Variants in NCOR2 observed in about 807,000 individuals in gnomAD.
NCOR2 encodes nuclear receptor corepressor 2, also known as CTG repeat protein 26.
Under a neutral mutation model 262.9 loss-of-function variants are expected in NCOR2, and 81 were observed. That is an observed-to-expected ratio of 0.31 (90% CI 0.26 to 0.37). The LOEUF is 0.37. Ranked by LOEUF, NCOR2 falls within the 10% of genes least tolerant of loss-of-function variation. The pLI, the probability that NCOR2 is intolerant of heterozygous loss-of-function variation, is 1.00. For synonymous variants in NCOR2, 1,659 were observed against 1,559.3 expected (o/e 1.06, Z -1.51); for missense variants, 3,385 against 3,621.4 (o/e 0.93, Z 1.68).
intron 16 of NCOR2, among the ~76,000 whole-genome samples, chr12:124,390,182 C>G (rs1165668609): frequency 1.3e-5 from 2 of 152,188 alleles, no homozygotes. Context: ...TCTCAGTGCA[C>G]TTTTAAGGAT....
At chr12:124,439,980 C>T (rs1367563259) in intron 7 of NCOR2, among the ~76,000 whole-genome samples, 1 of 151,984 alleles carries the variant, frequency 6.6e-6, no homozygotes, top group East Asian at 1.9e-4. Flanking sequence ...ACTGCTGCAC[C>T]GAGACCCCAG....
exon 47 of NCOR2, chr12:124,325,297 G>A: frequency 1.4e-6 from 1 of 705,858 alleles, no homozygotes; most frequent in Non-Finnish European, 2.0e-6. Context: ...CGGACTCAGG[G>A]GCTCCTTCCT....
intron 37 of NCOR2, among the ~76,000 whole-genome samples, chr12:124,339,466 A>C (rs1456036939): frequency 7.9e-6 from 1 of 126,032 alleles, no homozygotes; most frequent in African/African-American, 3.1e-5. Flanking sequence ...TTACCTACCT[A>C]ACGTGACCAC....
At chr12:124,485,939 C>G (rs1023487582) in intron 2 of NCOR2, among the ~76,000 whole-genome samples, 1 of 151,880 alleles carries the variant, frequency 6.6e-6, no homozygotes, top group Non-Finnish European at 1.5e-5. Flanking sequence ...GCTGTAGTCC[C>G]TCCAGCTCCC....
chr12:124,478,780 AAC>A (rs2047240077), intron 3 of NCOR2, among the ~76,000 whole-genome samples: 1 of 152,148 alleles, frequency 6.6e-6, no homozygotes, highest in Non-Finnish European at 1.5e-5. Context: ...TGAAGACAGA[AAC>A]AGAGACAGAA....
chr12:124,528,319 C>T (rs1482074664), intron 1 of NCOR2, among the ~76,000 whole-genome samples: 2 of 152,172 alleles, frequency 1.3e-5, no homozygotes, highest in East Asian at 1.9e-4. Context: ...TTAGGCACCC[C>T]GCTGACTTCA....
chr12:124,351,551 T>C (rs901160151), intron 27 of NCOR2, among the ~76,000 whole-genome samples: 2 of 152,138 alleles, frequency 1.3e-5, no homozygotes, highest in African/African-American at 4.8e-5. Flanking sequence ...CACTGCCATA[T>C]AGGGAATGAG....
chr12:124,563,823 G>A (rs1009421036), intron 1 of NCOR2, among the ~76,000 whole-genome samples: 2 of 152,242 alleles, frequency 1.3e-5, no homozygotes, highest in African/African-American at 4.8e-5. Context: ...CGTAGGTGCT[G>A]CTCAAAGAAG....
intron 45 of NCOR2, among the ~76,000 whole-genome samples, chr12:124,326,710 G>A (rs1054426617): frequency 3.9e-5 from 6 of 152,144 alleles, no homozygotes; most frequent in South Asian, 2.1e-4. Context: ...CAGTTTGAGC[G>A]TGGCCCCAGG....
chr12:124,350,997 C>T (rs1003354367), intron 27 of NCOR2, among the ~76,000 whole-genome samples: 8 of 152,282 alleles, frequency 5.3e-5, no homozygotes, highest in Non-Finnish European at 1.0e-4. Flanking sequence ...ATTTAATCCT[C>T]GAAACAACCC....
intron 13 of NCOR2, among the ~76,000 whole-genome samples, chr12:124,417,281 C>T (rs1231786579): frequency 6.6e-6 from 1 of 152,048 alleles, no homozygotes; most frequent in Non-Finnish European, 1.5e-5. Context: ...GACACTCACT[C>T]CACGAAGAGC....
chr12:124,497,336 T>G (rs975495001), upstream of NCOR2, among the ~76,000 whole-genome samples: 1 of 152,188 alleles, frequency 6.6e-6, no homozygotes, highest in East Asian at 1.9e-4. The surrounding 1 kb of genome is among the most constrained non-coding windows in gnomAD (Gnocchi z 4.2). Flanking sequence ...CCCGTGAACA[T>G]GGGAACACGT....
Position 124,430,931 on chromosome 12 carries a change from T to C in NCOR2, c.883-144A>G, listed in dbSNP as rs2136352523. 3 of 945,168 alleles carry C rather than the reference T, an allele frequency of 3.2e-6. No individual in the cohort carries two copies. The African/African-American group carries it at 5.0e-5, about 16-fold the overall frequency. 58.5% of individuals were successfully genotyped at this position (945,168 alleles called of 1,614,324 possible). A position where few individuals can be genotyped will look rare whatever the true frequency, so the allele number is the denominator to read the frequency against. On this transcript the variant is annotated intron_variant, in intron 8 of 46. Transcript: ENST00000405201. The stretch of plus-strand genomic sequence containing the variant: ...ACAGGCACACACATATACAGTCAGA[T>C]ACAGCCACACAGACACATACATACA...
chr12:124,343,137 C>T (rs1438829063), exon 33 of NCOR2: 12 of 1,611,816 alleles, frequency 7.4e-6, no homozygotes, highest in South Asian at 1.1e-5. Flanking sequence ...GGGTGGTGCT[C>T]GGGCACGGTG....
intron 1 of NCOR2, among the ~76,000 whole-genome samples, chr12:124,528,727 G>C (rs1225638753): frequency 1.3e-5 from 2 of 152,178 alleles, no homozygotes; most frequent in Non-Finnish European, 2.9e-5. Flanking sequence ...ATGACCCTCT[G>C]GACTGGCAAA....
chr12:124,473,929 C>A (rs1035105536), intron 3 of NCOR2, among the ~76,000 whole-genome samples: 3 of 152,200 alleles, frequency 2.0e-5, no homozygotes, highest in Non-Finnish European at 4.4e-5. Context: ...ATTCCCATCC[C>A]AGCCATCACC....
rs562138232 is a variant in NCOR2 at position 124,327,681 on chromosome 12, G to A, written c.6959-48C>T. The A allele has an allele frequency of 1.6e-5, 23 of 1,456,690 alleles. No individual in the cohort carries two copies. In the East Asian group the frequency reaches 2.3e-4, roughly 14 times the overall value. 90.2% of individuals were successfully genotyped at this position (1,456,690 alleles called of 1,614,324 possible). ...CAGACAGACACATGGGGGCCGGGGA[G>A]GGGGAGCCAGAGGGGCGACAGAGAG... On this transcript the variant is annotated intron_variant, in intron 44 of 46. Transcript: ENST00000405201.
chr12:124,484,138 G>C (rs865913421), intron 2 of NCOR2, among the ~76,000 whole-genome samples: 35 of 152,318 alleles, frequency 2.3e-4, no homozygotes, highest in African/African-American at 8.2e-4. Flanking sequence ...GTCAGACTCG[G>C]CATTTTAACA....
intron 27 of NCOR2, among the ~76,000 whole-genome samples, chr12:124,351,821 T>G (rs1163340255): frequency 1.3e-5 from 2 of 152,108 alleles, no homozygotes; most frequent in Admixed American, 6.5e-5. Context: ...TCCCCAAATC[T>G]CAATATCCCT....
Sources: gnomAD v4.1 joint callset for allele counts (sites outside exome capture counted in the v4.1 genomes callset) on GRCh38, gnomAD v4.1.1 for gene constraint, Gnocchi (gnomAD v3.1) non-coding constraint, MANE v1.5 for transcripts, NCBI Gene and HGNC (gene_info 2026-07-23, HGNC 2026-07-21) for gene names.